Variants in GAK observed in about 807,000 individuals in gnomAD.
GAK encodes cyclin G associated kinase.
GAK carries 79 observed loss-of-function variants against 143.9 expected under a neutral mutation model. The observed-to-expected ratio is 0.55, with a 90% CI of 0.46 to 0.66. The LOEUF is 0.66. GAK is among the 30% of genes least tolerant of loss of function. The pLI is 0.00. For synonymous variants in GAK, 881 were observed against 765.5 expected (o/e 1.15, Z -2.49); for missense variants, 1,693 against 1,779.7 (o/e 0.95, Z 0.88).
chr4:930,180 AT>A (rs1255911424), intron 1 of GAK, among the ~76,000 whole-genome samples: 54 of 152,202 alleles, frequency 3.5e-4, no homozygotes, highest in South Asian at 8.3e-4. Flanking sequence ...TTAATTAAGT[AT>A]GTTTATATAA....
At position 890,625 on chromosome 4, in the gene GAK, G is replaced by A; in HGVS notation, c.991-3C>T. ...TAGCCTCCATTCTGCTCCAGGAGCTGTGACAATGAAAATGCAGAGGTCAGT... is the reference window on the plus strand; with the variant it reads ...TAGCCTCCATTCTGCTCCAGGAGCTATGACAATGAAAATGCAGAGGTCAGT... On this transcript the variant is annotated splice_polypyrimidine_tract_variant and splice_region_variant and intron_variant, in intron 9 of 27. Transcript: ENST00000314167. 5 of 1,608,448 alleles carry A rather than the reference G, an allele frequency of 3.1e-6. No individual in the cohort carries two copies. The highest frequency in any genetic ancestry group is 4.2e-6 in the Non-Finnish European group (5 of 1,178,250).
intron 7 of GAK, among the ~76,000 whole-genome samples, chr4:895,629 C>T (rs1411755110): frequency 2.0e-5 from 3 of 152,246 alleles, no homozygotes; most frequent in Non-Finnish European, 4.4e-5. Flanking sequence ...GGAGGGCCAA[C>T]TGCCGCACCT....
chr4:859,530 CTCAGAG>C (rs1286250591), intron 24 of GAK, 70 bp downstream of exon 24: 3 of 1,594,418 alleles, frequency 1.9e-6, no homozygotes, highest in Non-Finnish European at 1.7e-6. Flanking sequence ...CTTTGGGCAG[CTCAGAG>C]TCAGATAGAC....
intron 1 of GAK, 117 bp downstream of exon 1, chr4:931,926 C>T: frequency 1.3e-6 from 1 of 767,330 alleles, no homozygotes; most frequent in Non-Finnish European, 2.1e-6. Context: ...ACCCACGATC[C>T]CGCTGGGACC....
At chr4:908,551 G>C (rs1288226037) in intron 4 of GAK, among the ~76,000 whole-genome samples, 1 of 152,178 alleles carries the variant, frequency 6.6e-6, no homozygotes, top group Non-Finnish European at 1.5e-5. Flanking sequence ...TAATCCCAGT[G>C]CTACAGGTGT....
At chr4:860,937 C>T (rs1393335460) in intron 23 of GAK, among the ~76,000 whole-genome samples, 1 of 152,226 alleles carries the variant, frequency 6.6e-6, no homozygotes, top group Non-Finnish European at 1.5e-5. Context: ...ACTCTGTGTC[C>T]CTGTGCCCCA....
intron 1 of GAK, among the ~76,000 whole-genome samples, chr4:928,270 C>G (rs1181274219): frequency 6.6e-6 from 1 of 152,234 alleles, no homozygotes; most frequent in Non-Finnish European, 1.5e-5. Context: ...GTTGGTCAGG[C>G]TGGTTTCGAA....
intron 1 of GAK, among the ~76,000 whole-genome samples, chr4:923,301 C>T (rs140683677): frequency 1.2e-4 from 18 of 152,208 alleles, no homozygotes; most frequent in African/African-American, 4.1e-4. Flanking sequence ...ACGTATAAGA[C>T]ATTAAAGAAT....
intron 1 of GAK, among the ~76,000 whole-genome samples, 153 bp downstream of exon 1, chr4:931,890 C>T (rs1048502470): frequency 2.6e-5 from 4 of 152,156 alleles, no homozygotes; most frequent in Non-Finnish European, 5.9e-5. Flanking sequence ...ACGCCCTCGG[C>T]AGAGACCCTC....
chr4:902,611 A>AC (rs201855078), intron 5 of GAK, among the ~76,000 whole-genome samples: 4,668 of 149,916 alleles, frequency 0.031, 168 homozygotes, highest in Middle Eastern at 0.041. Context: ...AAAAAAAAAA[A>AC]AAACCCCAAA....
At chr4:849,833 GACCC>G in intron 27 of GAK, 55 bp downstream of exon 27, 2 of 1,190,144 alleles carry the variant, frequency 1.7e-6, no homozygotes, top group Non-Finnish European at 1.2e-6. Flanking sequence ...GGCGGGGCAG[GACCC>G]CCCCCCCGCC....
rs756235511 is a variant in GAK at position 851,630 on chromosome 4, G to A, written c.3508+120C>T. ...CGGAAACCGCGTCGTTCTCTGAGTG[G>A]CTTGGCCGTGCCTGTCCCAGGACTG... On this transcript the variant is annotated intron_variant, in intron 25 of 27. Transcript: ENST00000314167. The A allele has an allele frequency of 1.1e-5, 11 of 1,030,182 alleles. No homozygotes were observed. In the Admixed American group the frequency reaches 1.7e-4, roughly 16 times the overall value. 63.8% of individuals were successfully genotyped at this position (1,030,182 alleles called of 1,614,324 possible). A position where few individuals can be genotyped will look rare whatever the true frequency, so the allele number is the denominator to read the frequency against.
At position 890,630 on chromosome 4, in the gene GAK, A is replaced by C; in HGVS notation, c.991-8T>G. ...TCCATTCTGCTCCAGGAGCTGTGAC[A>C]ATGAAAATGCAGAGGTCAGTTCTCT... On this transcript the variant is annotated splice_polypyrimidine_tract_variant and splice_region_variant and intron_variant, in intron 9 of 27. Transcript: ENST00000314167. 6.2e-7 allele frequency: 1 copy of C among 1,606,416 alleles called. No individual in the cohort carries two copies.
In GAK at chr4:932,012, C is replaced by A. The variant is rs757566181; in HGVS notation, c.145+31G>T. Reference sequence around the variant, plus strand: ...GCGTCCCGGAGACAACACTCCGCGGCCGCACCCGCGCTGCCGACCCGGGGC... The same window carrying A: ...GCGTCCCGGAGACAACACTCCGCGGACGCACCCGCGCTGCCGACCCGGGGC... On this transcript the variant is annotated intron_variant, in intron 1 of 27. Coordinates refer to ENST00000314167, the MANE Select transcript of GAK (RefSeq NM_005255.4). The surrounding 1 kb of genome is among the most constrained non-coding windows in gnomAD (Gnocchi z 4.0). The A allele has an allele frequency of 6.0e-6, 9 of 1,488,890 alleles. No homozygotes were observed. The Admixed American group carries it at 1.6e-4, about 27-fold the overall frequency. The allele number at this position is 1,488,890 out of a possible 1,614,324, so 92.2% of individuals were successfully genotyped here.
intron 8 of GAK, 110 bp downstream of exon 8, chr4:893,764 G>T: frequency 7.7e-7 from 1 of 1,297,676 alleles, no homozygotes; most frequent in Non-Finnish European, 1.0e-6. Flanking sequence ...ATGGTGACGG[G>T]CGGGAGTGGG....
chr4:884,055 T>C lies in GAK; in HGVS notation c.1237A>G (p.Ile413Val), dbSNP rs11722461. 1.3e-3 allele frequency: 2,027 copies of C among 1,613,828 alleles called. 1 individual carries two copies. Among genetic ancestry groups the C allele is most frequent in the Non-Finnish European group, 1.6e-3 (1,870 of 1,179,852 alleles). ...YAKGDLDISY[I>V]TSRIAVMSFP... is the part of the protein sequence containing the mutation. The stretch of plus-strand genomic sequence containing the variant: ...CGCATACCTGCAATTCTGGATGTGA[T>C]GTAAGATATGTCCAGGTCACCCTTT... Residue 413 changes from isoleucine (I) to valine (V), a missense_variant, in exon 12 of 28, where the codon ATC (isoleucine) becomes GTC (valine). Coordinates refer to ENST00000314167, the MANE Select transcript of GAK (RefSeq NM_005255.4).
chr4:854,098 GTC>G (rs1324063043), intron 24 of GAK, among the ~76,000 whole-genome samples: 1 of 151,130 alleles, frequency 6.6e-6, no homozygotes, highest in Non-Finnish European at 1.5e-5. Flanking sequence ...ATGCCCGGCC[GTC>G]TCTCGCCCAT....
intron 24 of GAK, among the ~76,000 whole-genome samples, chr4:858,302 C>T (rs1363121915): frequency 6.6e-6 from 1 of 152,216 alleles, no homozygotes; most frequent in Non-Finnish European, 1.5e-5. Context: ...GTTGTATCGG[C>T]TTTGCTCTTC....
At chr4:856,582 AC>A (rs1346490478) in intron 24 of GAK, among the ~76,000 whole-genome samples, 1 of 60,432 alleles carries the variant, frequency 1.7e-5, no homozygotes, top group Non-Finnish European at 3.3e-5. Context: ...ACAGCTGCTC[AC>A]CACCACAGGT....
Sources: gnomAD v4.1 joint callset for allele counts (sites outside exome capture counted in the v4.1 genomes callset) on GRCh38, gnomAD v4.1.1 for gene constraint, Gnocchi (gnomAD v3.1) non-coding constraint, MANE v1.5 for transcripts, NCBI Gene and HGNC (gene_info 2026-07-23, HGNC 2026-07-21) for gene names.